DENND2A: variants seen among roughly 807,000 people sequenced by gnomAD.
The protein encoded by DENND2A is DENN domain-containing protein 2A.
DENND2A carries 53 observed loss-of-function variants against 105.3 expected under a neutral mutation model. That is an observed-to-expected ratio of 0.50 (90% CI 0.40 to 0.63). DENND2A has a LOEUF of 0.63. Among genes scored for constraint, DENND2A ranks in the 30% least tolerant of loss-of-function variants. DENND2A has a pLI of 0.00. For synonymous variants in DENND2A, 522 were observed against 508.4 expected (o/e 1.03, Z -0.36); for missense variants, 1,138 against 1,279.6 (o/e 0.89, Z 1.69).
At chr7:140,538,677 T>C (rs1160230662) in intron 14 of DENND2A, among the ~76,000 whole-genome samples, 1 of 151,700 alleles carries the variant, frequency 6.6e-6, no homozygotes, top group Non-Finnish European at 1.5e-5. Flanking sequence ...CGCTAATTTT[T>C]GTATTTTTAA....
chr7:140,570,176 C>T (rs561386689), intron 6 of DENND2A, among the ~76,000 whole-genome samples: 292 of 152,140 alleles, frequency 1.9e-3, no homozygotes, highest in Middle Eastern at 3.4e-3. Context: ...ATTACAGGCG[C>T]GAGCCACCGC....
At chr7:140,634,961 CAAA>C (rs112974741) in intron 1 of DENND2A, among the ~76,000 whole-genome samples, 1 of 121,414 alleles carries the variant, frequency 8.2e-6, no homozygotes. Context: ...GACTCCGTCT[CAAA>C]AAAAAAAAAA....
At chr7:140,612,545 G>C (rs1230204062) in intron 1 of DENND2A, among the ~76,000 whole-genome samples, 1 of 149,798 alleles carries the variant, frequency 6.7e-6, no homozygotes, top group Non-Finnish European at 1.5e-5. Flanking sequence ...TCTGTTGCCC[G>C]ATCTGGAGTG....
chr7:140,602,505 G>T lies in DENND2A; in HGVS notation c.-108C>A. 7.9e-7 allele frequency: 1 copy of T among 1,271,066 alleles called. No homozygotes were observed. Among genetic ancestry groups the T allele is most frequent in the Non-Finnish European group, 1.0e-6 (1 of 953,760 alleles). 78.7% of individuals were successfully genotyped at this position (1,271,066 alleles called of 1,614,324 possible). On this transcript the variant is annotated 5_prime_UTR_variant, in exon 3 of 20. Transcript: ENST00000496613. ...ATGGAGGACTAAAGTGGATGCCTTCGAGGGTCTTTCTCAGTCCTTGGACCT... is the reference window on the plus strand; with the variant it reads ...ATGGAGGACTAAAGTGGATGCCTTCTAGGGTCTTTCTCAGTCCTTGGACCT...
intron 14 of DENND2A, among the ~76,000 whole-genome samples, chr7:140,538,833 A>AT (rs913652121): frequency 4.9e-5 from 7 of 142,826 alleles, no homozygotes; most frequent in African/African-American, 1.6e-4. Context: ...TTCTTTCTTT[A>AT]TTTTTTTTGA....
intron 6 of DENND2A, among the ~76,000 whole-genome samples, 168 bp downstream of exon 6, chr7:140,573,640 G>A (rs1451696127): frequency 6.6e-6 from 1 of 152,170 alleles, no homozygotes; most frequent in Middle Eastern, 3.2e-3. Context: ...TGATCAGGAC[G>A]AAGGTCCGGA....
chr7:140,557,535 T>G (rs369483351), intron 11 of DENND2A, among the ~76,000 whole-genome samples: 1 of 15,244 alleles, frequency 6.6e-5, no homozygotes, highest in Non-Finnish European at 1.4e-4. Flanking sequence ...ATATATATTT[T>G]TTTTTTTTTT....
At chr7:140,556,775 T>A (rs1563138648) in intron 11 of DENND2A, among the ~76,000 whole-genome samples, 1 of 152,232 alleles carries the variant, frequency 6.6e-6, no homozygotes, top group Non-Finnish European at 1.5e-5. Flanking sequence ...GTGCCACGCA[T>A]TATACTTGAC....
chr7:140,580,550 C>A (rs1337326848), intron 5 of DENND2A, among the ~76,000 whole-genome samples: 1 of 152,092 alleles, frequency 6.6e-6, no homozygotes, highest in African/African-American at 2.4e-5. Context: ...GAATGCCTGG[C>A]CTCAAGCAAT....
At chr7:140,637,372 G>T (rs1318892694) in intron 1 of DENND2A, among the ~76,000 whole-genome samples, 1 of 152,238 alleles carries the variant, frequency 6.6e-6, no homozygotes, top group African/African-American at 2.4e-5. Flanking sequence ...CATTAGCAAT[G>T]TATGGACATA....
chr7:140,539,934 C>T (rs544399388), intron 14 of DENND2A, among the ~76,000 whole-genome samples: 3 of 152,332 alleles, frequency 2.0e-5, no homozygotes, highest in African/African-American at 7.2e-5. Context: ...ACAGGAAAAG[C>T]GAGGGCTGCT....
intron 3 of DENND2A, among the ~76,000 whole-genome samples, chr7:140,592,246 G>A (rs1383389427): frequency 8.8e-5 from 13 of 147,476 alleles, no homozygotes; most frequent in East Asian, 2.0e-4. Context: ...TCGCTCTGTC[G>A]CCCAGACTGG....
intron 9 of DENND2A, among the ~76,000 whole-genome samples, chr7:140,560,883 G>A (rs1370613929): frequency 3.3e-5 from 5 of 151,786 alleles, no homozygotes; most frequent in African/African-American, 9.7e-5. Flanking sequence ...GCAGTGAGCC[G>A]AGAGCATACC....
At chr7:140,570,664 C>G (rs1321767787) in intron 6 of DENND2A, among the ~76,000 whole-genome samples, 1 of 152,182 alleles carries the variant, frequency 6.6e-6, no homozygotes, top group Non-Finnish European at 1.5e-5. Flanking sequence ...TGTGCAAGTG[C>G]ACATGGATAC....
intron 3 of DENND2A, among the ~76,000 whole-genome samples, chr7:140,596,239 T>G (rs1417676298): frequency 6.6e-6 from 1 of 152,204 alleles, no homozygotes. Context: ...AAGCACCGTC[T>G]CTCTGTTTTC....
At chr7:140,589,322 C>T (rs754338624) in intron 3 of DENND2A, among the ~76,000 whole-genome samples, 2 of 152,230 alleles carry the variant, frequency 1.3e-5, no homozygotes, top group African/African-American at 2.4e-5. Context: ...CTGCATTACA[C>T]AGTGATAATT....
intron 5 of DENND2A, among the ~76,000 whole-genome samples, chr7:140,578,618 C>T (rs761858443): frequency 2.6e-5 from 4 of 152,318 alleles, no homozygotes; most frequent in East Asian, 1.9e-4. Context: ...CAGTGGCTCA[C>T]GCCTGTAATC....
intron 5 of DENND2A, among the ~76,000 whole-genome samples, chr7:140,578,797 C>A (rs770881652): frequency 2.6e-5 from 4 of 152,300 alleles, no homozygotes; most frequent in Middle Eastern, 3.4e-3. Flanking sequence ...TCGCTTGAAC[C>A]CAGGAGGCAG....
intron 9 of DENND2A, among the ~76,000 whole-genome samples, chr7:140,566,509 T>C (rs1212777860): frequency 6.6e-6 from 1 of 151,978 alleles, no homozygotes; most frequent in Non-Finnish European, 1.5e-5. Flanking sequence ...AAGTTCAGCA[T>C]AGACACAAGT....
Sources: gnomAD v4.1 joint callset for allele counts (sites outside exome capture counted in the v4.1 genomes callset) on GRCh38, gnomAD v4.1.1 for gene constraint, MANE v1.5 for transcripts, NCBI Gene and HGNC (gene_info 2026-07-23, HGNC 2026-07-21) for gene names.